Variants in ACACA observed in about 807,000 individuals in gnomAD.
ACACA encodes the protein acetyl-CoA carboxylase 1.
ACACA carries 103 observed loss-of-function variants against 296.1 expected under a neutral mutation model. That is an observed-to-expected ratio of 0.35 (90% CI 0.30 to 0.41). The LOEUF (loss-of-function observed/expected upper bound fraction) is 0.41. ACACA is among the 10% of genes least tolerant of loss of function. ACACA has a pLI of 1.00. For missense variants in ACACA, 1,554 were observed against 2,989.7 expected (o/e 0.52, Z 11.20); for synonymous variants, 953 against 1,038.6 (o/e 0.92, Z 1.58).
At chr17:37,229,572 G>A (rs1397376077) in intron 25 of ACACA, among the ~76,000 whole-genome samples, 1 of 151,864 alleles carries the variant, frequency 6.6e-6, no homozygotes, top group Non-Finnish European at 1.5e-5. Context: ...CAAAGTGCTG[G>A]GATTACAGGT....
At chr17:37,322,521 A>T (rs887055334) in intron 3 of ACACA, among the ~76,000 whole-genome samples, 1 of 152,120 alleles carries the variant, frequency 6.6e-6, no homozygotes, top group Non-Finnish European at 1.5e-5. Flanking sequence ...TTTGACCTGT[A>T]CCTATGGACC....
Position 37,168,312 on chromosome 17 carries a change from G to A in ACACA, c.5080-6262C>T, listed in dbSNP as rs958882350. Among the ~76,000 whole-genome samples the A allele has an allele frequency of 2.0e-5, 3 of 152,126 alleles. No homozygotes were observed. The East Asian group carries it at 5.8e-4, about 29-fold the overall frequency. On this transcript the variant is annotated intron_variant, in intron 41 of 55. Coordinates refer to ENST00000616317, the MANE Select transcript of ACACA (RefSeq NM_198834.3). ...AAATAAATAAGAAACAGCAAAATGA[G>A]GTGATAATTATTGGGATGATGAAAT...
At chr17:37,288,174 T>A (rs916243782) in intron 3 of ACACA, among the ~76,000 whole-genome samples, 1 of 152,220 alleles carries the variant, frequency 6.6e-6, no homozygotes, top group African/African-American at 2.4e-5. Context: ...CCAGTGTACA[T>A]GTTTTGTTTC....
At chr17:37,205,331 T>A (rs1042665620) in intron 33 of ACACA, among the ~76,000 whole-genome samples, 9 of 152,114 alleles carry the variant, frequency 5.9e-5, no homozygotes, top group Middle Eastern at 3.4e-3. Context: ...GCGTTTGATG[T>A]CAACAGGAGA....
chr17:37,253,040 G>A lies in ACACA; in HGVS notation c.1827-4C>T. On this transcript the variant is annotated splice_region_variant and splice_polypyrimidine_tract_variant and intron_variant, in intron 14 of 55. Coordinates refer to ENST00000616317, the MANE Select transcript of ACACA (RefSeq NM_198834.3). ...CTTCAAAGCCACCACCATGTTTCTG[G>A]GAGAACAGAAGCCAATCTGTTTCAG... The A allele has an allele frequency of 6.2e-7, 1 of 1,614,184 alleles. No individual in the cohort carries two copies.
At position 37,155,676 on chromosome 17, in the gene ACACA, T is replaced by C; in HGVS notation, c.5447+7A>G. ...TGACCAAATTATTCCAATACATATA[T>C]ACCTACCTGGATTCTCCTTCATCTT... On this transcript the variant is annotated splice_region_variant and intron_variant, in intron 43 of 55. Transcript: ENST00000616317. 2 of 1,580,698 alleles carry C rather than the reference T, an allele frequency of 1.3e-6. No individual in the cohort carries two copies. Among genetic ancestry groups the C allele is most frequent in the South Asian group, 1.1e-5 (1 of 90,462 alleles).
intron 1 of ACACA, among the ~76,000 whole-genome samples, chr17:37,358,749 C>A (rs1218788654): frequency 2.6e-5 from 4 of 152,186 alleles, no homozygotes; most frequent in African/African-American, 9.7e-5. Context: ...TGTACGCCTC[C>A]CAGTTCCGGG....
chr17:37,088,063 A>C (rs761224758), intron 55 of ACACA, among the ~76,000 whole-genome samples: 44 of 152,200 alleles, frequency 2.9e-4, no homozygotes, highest in Non-Finnish European at 4.4e-4. Flanking sequence ...GGAGCAGATA[A>C]ACAGCATGTG....
intron 21 of ACACA, 116 bp downstream of exon 21, chr17:37,244,472 C>T: frequency 7.7e-7 from 1 of 1,300,858 alleles, no homozygotes; most frequent in South Asian, 1.2e-5. Context: ...TGAAAGAGTT[C>T]TAGGCCAAAC....
chr17:37,090,489 A>G (rs2072543225), intron 54 of ACACA, among the ~76,000 whole-genome samples: 1 of 152,188 alleles, frequency 6.6e-6, no homozygotes, highest in Non-Finnish European at 1.5e-5. Flanking sequence ...CTAATCACTG[A>G]TAAGCAGATC....
At chr17:37,347,250 G>A (rs112079909) in intron 1 of ACACA, among the ~76,000 whole-genome samples, 29 of 152,240 alleles carry the variant, frequency 1.9e-4, no homozygotes, top group Middle Eastern at 3.4e-3. Context: ...AAAACATGAC[G>A]TGCTCCTCCT....
At chr17:37,155,599 T>C in intron 43 of ACACA, 84 bp downstream of exon 43, 1 of 923,066 alleles carries the variant, frequency 1.1e-6, no homozygotes, top group Non-Finnish European at 1.8e-6. Flanking sequence ...TTCAAGGTTA[T>C]GAACAGCTGT....
chr17:37,350,852 G>A (rs1279112816), intron 1 of ACACA, among the ~76,000 whole-genome samples: 1 of 152,070 alleles, frequency 6.6e-6, no homozygotes, highest in Non-Finnish European at 1.5e-5. Flanking sequence ...GTTGAACCAG[G>A]CCAGGTGCAG....
Position 37,257,776 on chromosome 17 carries a change from C to A in ACACA, c.1753G>T (p.Gly585Ter). The A allele has an allele frequency of 6.2e-7, 1 of 1,614,104 alleles. No homozygotes were observed. Residue 585 changes from glycine (G) to a stop codon, truncating the protein, a stop_gained, in exon 14 of 56, where the codon GGA becomes TGA. Coordinates refer to ENST00000616317, the MANE Select transcript of ACACA (RefSeq NM_198834.3). LOFTEE classifies it high-confidence loss of function. ...WGYFSVAAAGGLHEFADSQFG... is the reference protein window; with the variant it reads ...WGYFSVAAAG ...TGAGAATCAGCAAATTCATGAAGTCCCCCTGCAGCAGCAACACTGAAATAT... is the reference window on the plus strand; with the variant it reads ...TGAGAATCAGCAAATTCATGAAGTCACCCTGCAGCAGCAACACTGAAATAT...
Position 37,200,199 on chromosome 17 carries a change from G to C in ACACA, c.4114-16C>G. 3.1e-6 allele frequency: 5 copies of C among 1,602,238 alleles called. No homozygotes were observed. The highest frequency in any genetic ancestry group is 3.3e-4 in the Middle Eastern group (2 of 6,026). ...TTCTGAAATCCTTTCAAATAAAAGA[G>C]AGAAAGGAAGGAAAGACAGCAGAAG... On this transcript the variant is annotated splice_polypyrimidine_tract_variant and intron_variant, in intron 34 of 55. Transcript: ENST00000616317.
At chr17:37,140,307 A>T (rs2075512620) in intron 45 of ACACA, among the ~76,000 whole-genome samples, 1 of 152,212 alleles carries the variant, frequency 6.6e-6, no homozygotes, top group Non-Finnish European at 1.5e-5. Flanking sequence ...TTAAATCATC[A>T]TGCTCTTCAA....
chr17:37,240,587 C>G, intron 23 of ACACA, 23 bp from the exon 24 acceptor site: 1 of 1,596,260 alleles, frequency 6.3e-7, no homozygotes. Context: ...AAAGTCTCCA[C>G]TGAAAAACCT....
intron 33 of ACACA, among the ~76,000 whole-genome samples, chr17:37,205,171 G>T (rs1598168895): frequency 6.6e-6 from 1 of 152,310 alleles, no homozygotes; most frequent in Non-Finnish European, 1.5e-5. Flanking sequence ...GTAGAATGAA[G>T]GAATGTCAAG....
intron 1 of ACACA, among the ~76,000 whole-genome samples, chr17:37,346,650 C>T (rs983840605): frequency 2.1e-5 from 3 of 146,030 alleles, no homozygotes; most frequent in African/African-American, 5.1e-5. Flanking sequence ...TGCAGTGAGC[C>T]GAGATCACAC....
Sources: allele counts gnomAD v4.1 joint callset (sites outside exome capture counted in the v4.1 genomes callset), GRCh38; gene constraint gnomAD v4.1.1; transcripts MANE v1.5; gene names NCBI Gene and HGNC (gene_info 2026-07-23, HGNC 2026-07-21).